Variants in MCTP1 observed in about 807,000 individuals in gnomAD.
MCTP1 encodes multiple C2 and transmembrane domain-containing protein 1.
A neutral mutation model predicts 120.6 loss-of-function variants in MCTP1; 69 were observed. The ratio of observed to expected loss-of-function variants is 0.57; its 90% CI spans 0.47 to 0.70. The LOEUF is 0.70. MCTP1 is among the 30% of genes least tolerant of loss of function. The probability of loss-of-function intolerance (pLI) is 0.00; values close to 1 mark genes in which losing one functional copy is unlikely to be tolerated. For synonymous variants in MCTP1, 529 were observed against 493.1 expected, an observed-to-expected ratio of 1.07 and a Z score of -0.96; for missense variants, 1,203 against 1,248.8, an observed-to-expected ratio of 0.96 and a Z score of 0.55.
In MCTP1 at chr5:94,716,265, G is replaced by A. The variant is rs1350171525; in HGVS notation, c.2611-1379C>T. On this transcript the variant is annotated intron_variant, in intron 19 of 22. Transcript: ENST00000515393. ...AAATGGATTGTCAATTAGACGAGAC[G>A]CATAAAGCTTAATAACAGTATTGGG... 2.6e-5 allele frequency among the ~76,000 whole-genome samples: 4 copies of A among 152,092 alleles called. No individual in the cohort carries two copies. In the South Asian group the frequency reaches 6.2e-4, roughly 24 times the overall value.
intron 17 of MCTP1, among the ~76,000 whole-genome samples, chr5:94,833,636 T>A (rs1015959867): frequency 6.6e-6 from 1 of 152,196 alleles, no homozygotes; most frequent in East Asian, 1.9e-4. Context: ...ATTACCAGTA[T>A]TATTACTTTG....
chr5:94,867,335 A>G (rs1440651856), intron 17 of MCTP1: 1 of 1,533,144 alleles, frequency 6.5e-7, no homozygotes, highest in Admixed American at 2.0e-5. Flanking sequence ...GGACGTAGAC[A>G]CTCTTTGTTC....
At chr5:94,948,060 T>C (rs1047210553) in intron 3 of MCTP1, among the ~76,000 whole-genome samples, 3 of 152,064 alleles carry the variant, frequency 2.0e-5, no homozygotes, top group South Asian at 2.1e-4. Context: ...AACCATCACA[T>C]TGTAAAAGAA....
chr5:94,862,624 A>G (rs1796021190), intron 17 of MCTP1, among the ~76,000 whole-genome samples: 2 of 151,852 alleles, frequency 1.3e-5, no homozygotes, highest in African/African-American at 4.8e-5. Flanking sequence ...ATTTTAGCCA[A>G]TAGTGACCAA....
Position 94,826,680 on chromosome 5 carries a change from T to A in MCTP1, c.2437-27548A>T, listed in dbSNP as rs1787142998. On this transcript the variant is annotated intron_variant, in intron 17 of 22. Coordinates refer to ENST00000515393, the MANE Select transcript of MCTP1 (RefSeq NM_024717.7). ...ACAGCAGGAACCTTCTCTTCTTCTC[T>A]TATACACACTCCATGGTTCCAGCTG... The A allele has an allele frequency of 7.5e-6, 5 of 667,524 alleles. No homozygotes were observed. The South Asian group carries it at 8.2e-5, about 11-fold the overall frequency. The allele number at this position is 667,524 out of a possible 1,614,324, so 41.4% of individuals were successfully genotyped here.
rs569204947 is a variant in MCTP1 at position 95,161,558 on chromosome 5, G to A, written c.720+122298C>T. Among the ~76,000 whole-genome samples, 7 of 151,998 alleles carry A rather than the reference G, an allele frequency of 4.6e-5. No individual in the cohort carries two copies. In the South Asian group the frequency reaches 8.3e-4, roughly 18 times the overall value. The stretch of plus-strand genomic sequence containing the variant: ...GTGACTATAATTAATAAAATGGATC[G>A]TATACTTCAAAATTGCTAAAAGAGA... On this transcript the variant is annotated intron_variant, in intron 1 of 22. Coordinates refer to ENST00000515393, the MANE Select transcript of MCTP1 (RefSeq NM_024717.7).
At chr5:95,263,535 T>G (rs1437642812) in intron 1 of MCTP1, among the ~76,000 whole-genome samples, 3 of 152,126 alleles carry the variant, frequency 2.0e-5, no homozygotes, top group Non-Finnish European at 4.4e-5. Flanking sequence ...TTTACAATGT[T>G]CTATCCAGAA....
rs373262524 is a variant in MCTP1 at position 94,918,003 on chromosome 5, C to T, written c.1273-30G>A. 2.6e-4 allele frequency: 406 copies of T among 1,579,458 alleles called. 2 individuals are homozygous for T. Among genetic ancestry groups the T allele is most frequent in the Middle Eastern group, 2.0e-3 (12 of 5,984 alleles). On this transcript the variant is annotated intron_variant, in intron 7 of 22. Transcript: ENST00000515393. ...ATGGAAATGAATGATCAGAGCTGTA[C>T]GGGGAAGCTTTGTACCATTCTCAAC...
At chr5:94,873,008 G>A (rs1798108783) in intron 13 of MCTP1, 131 bp downstream of exon 13, 4 of 631,046 alleles carry the variant, frequency 6.3e-6, no homozygotes, top group Non-Finnish European at 1.1e-5. Flanking sequence ...ATTGTTGTTA[G>A]CAAAGGCAGG....
At chr5:95,205,242 AAAAT>A (rs1751496231) in intron 1 of MCTP1, among the ~76,000 whole-genome samples, 1 of 152,160 alleles carries the variant, frequency 6.6e-6, no homozygotes. Context: ...AAATGGGGAA[AAAAT>A]AGTCTTTCAA....
chr5:95,192,926 T>C (rs887350101), intron 1 of MCTP1, among the ~76,000 whole-genome samples: 2 of 152,126 alleles, frequency 1.3e-5, no homozygotes, highest in Non-Finnish European at 2.9e-5. Context: ...ACAGTAAAGG[T>C]AGGCTAAGCA....
At chr5:95,003,239 ATTT>A (rs1346721936) in intron 2 of MCTP1, among the ~76,000 whole-genome samples, 1 of 152,118 alleles carries the variant, frequency 6.6e-6, no homozygotes, top group Non-Finnish European at 1.5e-5. Context: ...CAGATGTACC[ATTT>A]TTTATCTTTT....
intron 1 of MCTP1, among the ~76,000 whole-genome samples, chr5:95,193,103 A>T (rs1033716405): frequency 6.6e-6 from 1 of 152,168 alleles, no homozygotes; most frequent in Non-Finnish European, 1.5e-5. Context: ...TGTTTTAATA[A>T]ACTGAGTAAT....
At chr5:94,997,115 G>A (rs1832771433) in intron 2 of MCTP1, among the ~76,000 whole-genome samples, 1 of 152,068 alleles carries the variant, frequency 6.6e-6, no homozygotes, top group Non-Finnish European at 1.5e-5. Flanking sequence ...GGGAAGTACA[G>A]AAAGTTCCAT....
At chr5:94,895,646 G>A (rs1004452751) in intron 10 of MCTP1, among the ~76,000 whole-genome samples, 7 of 152,188 alleles carry the variant, frequency 4.6e-5, no homozygotes, top group Admixed American at 6.5e-5. Flanking sequence ...CATAAACTGC[G>A]TGGTCAGAGA....
intron 1 of MCTP1, among the ~76,000 whole-genome samples, chr5:95,272,174 C>A (rs566722611): frequency 1.3e-5 from 2 of 152,028 alleles, no homozygotes; most frequent in Non-Finnish European, 2.9e-5. Context: ...TGTGTGCATA[C>A]GTGTGTATAA....
At chr5:94,808,480 A>G (rs1318727235) in intron 17 of MCTP1, among the ~76,000 whole-genome samples, 1 of 152,192 alleles carries the variant, frequency 6.6e-6, no homozygotes, top group East Asian at 1.9e-4. Flanking sequence ...TGATCATGCC[A>G]CAATGATACA....
At chr5:94,915,306 A>G (rs924007172) in intron 8 of MCTP1, among the ~76,000 whole-genome samples, 2 of 152,180 alleles carry the variant, frequency 1.3e-5, no homozygotes, top group Non-Finnish European at 2.9e-5. Context: ...TTTATTCCTG[A>G]GCTTCCCCAA....
At chr5:95,209,878 T>G (rs187555551) in intron 1 of MCTP1, among the ~76,000 whole-genome samples, 1 of 152,344 alleles carries the variant, frequency 6.6e-6, no homozygotes, top group East Asian at 1.9e-4. Context: ...TGTGTCTTTG[T>G]TCTTGTTGGT....
Sources: gnomAD v4.1 joint callset for allele counts (sites outside exome capture counted in the v4.1 genomes callset) on GRCh38, gnomAD v4.1.1 for gene constraint, MANE v1.5 for transcripts, NCBI Gene and HGNC (gene_info 2026-07-23, HGNC 2026-07-21) for gene names.